The following SLC9C2 variants were observed in gnomAD, a reference collection of about 807,000 sequenced individuals.
SLC9C2 encodes the protein sodium/hydrogen exchanger 11.
A neutral mutation model predicts 140.2 loss-of-function variants in SLC9C2; 75 were observed. That is an observed-to-expected ratio of 0.53 (90% CI 0.44 to 0.65). The LOEUF (loss-of-function observed/expected upper bound fraction) is 0.65, where lower values mean the gene tolerates loss of function less well. Ranked by LOEUF, SLC9C2 falls within the 30% of genes least tolerant of loss-of-function variation. SLC9C2 has a pLI of 0.00. For missense variants in SLC9C2, 1,074 were observed against 1,331.8 expected, an observed-to-expected ratio of 0.81 and a Z score of 3.01; for synonymous variants, 375 against 420.9, an observed-to-expected ratio of 0.89 and a Z score of 1.34.
chr1:173,573,920 C>G (rs1293559949), intron 8 of SLC9C2, among the ~76,000 whole-genome samples: 1 of 152,190 alleles, frequency 6.6e-6, no homozygotes, highest in African/African-American at 2.4e-5. Context: ...GCTCTGAATT[C>G]CTACGGTGCT....
intron 4 of SLC9C2, among the ~76,000 whole-genome samples, chr1:173,591,758 G>A (rs374549818): frequency 2.0e-5 from 3 of 152,124 alleles, no homozygotes; most frequent in East Asian, 3.9e-4. Context: ...CCTTATAGAT[G>A]CTAGATATTA....
rs182603098 is a variant in SLC9C2 at position 173,524,172 on chromosome 1, T to A, written c.2515-78A>T. On this transcript the variant is annotated intron_variant, in intron 20 of 27. Transcript: ENST00000367714. ...ACACTAGGGAAAAACTAAGGAAATCTAAATAAACTACTGTTAGGCAAGTTT... is the reference window on the plus strand; with the variant it reads ...ACACTAGGGAAAAACTAAGGAAATCAAAATAAACTACTGTTAGGCAAGTTT... The A allele has an allele frequency of 3.8e-3, 5,109 of 1,336,432 alleles. 17 individuals carry two copies. The highest frequency in any genetic ancestry group is 4.5e-3 in the Non-Finnish European group (4,431 of 987,150). The allele number at this position is 1,336,432 out of a possible 1,614,324, so 82.8% of individuals were successfully genotyped here.
At chr1:173,595,406 C>T (rs1666388469) in intron 4 of SLC9C2, among the ~76,000 whole-genome samples, 1 of 152,132 alleles carries the variant, frequency 6.6e-6, no homozygotes, top group Non-Finnish European at 1.5e-5. Flanking sequence ...ATTTGACCCC[C>T]TTATTAAGGG....
At chr1:173,590,381 A>G (rs1666090600) in intron 4 of SLC9C2, among the ~76,000 whole-genome samples, 2 of 152,200 alleles carry the variant, frequency 1.3e-5, no homozygotes, top group African/African-American at 4.8e-5. Flanking sequence ...AAATAAAAAG[A>G]TACTAACACC....
chr1:173,587,853 G>C, intron 4 of SLC9C2, 23 bp from the exon 5 acceptor site: 1 of 1,575,802 alleles, frequency 6.3e-7, no homozygotes, highest in Admixed American at 1.7e-5. Flanking sequence ...TCATAACACA[G>C]TATTAGACTT....
Position 173,583,594 on chromosome 1 carries a change from A to G in SLC9C2, c.552T>C (p.Ile184=). ...TACAAATGATCAATGATTCTCCTCT[A>G]ATGAGATCAATGTATATTTTAGAAA... The part of the protein sequence containing the change: ...IGISKIYIDL[I]RGESLIICSI... Residue 184 remains isoleucine, a synonymous_variant, in exon 6 of 28, where the codon ATT becomes ATC. Transcript: ENST00000367714. The G allele has an allele frequency of 6.3e-7, 1 of 1,590,726 alleles. No homozygotes were observed. The highest frequency in any genetic ancestry group is 8.6e-7 in the Non-Finnish European group (1 of 1,168,476).
At chr1:173,509,462 A>C (rs1357954177) in intron 24 of SLC9C2, 106 bp downstream of exon 24, 1 of 1,152,702 alleles carries the variant, frequency 8.7e-7, no homozygotes, top group East Asian at 3.3e-5. Context: ...AAAAAAATCA[A>C]ACACAAATTT....
rs758140207 is a variant in SLC9C2 at position 173,536,931 on chromosome 1, G to A, written c.1655+11C>T. The A allele has an allele frequency of 6.3e-6, 10 of 1,588,496 alleles. No individual in the cohort carries two copies. The East Asian group carries it at 2.0e-4, about 32-fold the overall frequency. ...TTTTGGAAATATCAATTAAAGAAGT[G>A]TTATACTTACTTTCCTTGGATGGAG... On this transcript the variant is annotated intron_variant, in intron 14 of 27. Coordinates refer to ENST00000367714, the MANE Select transcript of SLC9C2 (RefSeq NM_178527.4).
rs765393938 is a variant in SLC9C2 at position 173,583,563 on chromosome 1, C to T, written c.583G>A (p.Ala195Thr). The change falls in exon 6 of 28, where the codon GCA (alanine) becomes ACA (threonine). Residue 195 changes from alanine to threonine, a missense_variant. Transcript: ENST00000367714. ...CGAAAATTTCCAAAAAAAATTGATGCGATGCTACAAATGATCAATGATTCT... is the reference window on the plus strand; with the variant it reads ...CGAAAATTTCCAAAAAAAATTGATGTGATGCTACAAATGATCAATGATTCT... ...RGESLIICSI[A>T]SIFFGNFRGN... The T allele has an allele frequency of 1.3e-5, 21 of 1,609,960 alleles. No homozygotes were observed. Among genetic ancestry groups the T allele is most frequent in the Admixed American group, 3.4e-5 (2 of 59,636 alleles).
At chr1:173,528,070 G>GT (rs1244374160) in intron 18 of SLC9C2, among the ~76,000 whole-genome samples, 1 of 152,114 alleles carries the variant, frequency 6.6e-6, no homozygotes. Context: ...CAGCAACCCT[G>GT]TAAGACTGCT....
At chr1:173,506,660 G>A (rs1659662842) in intron 25 of SLC9C2, among the ~76,000 whole-genome samples, 196 bp downstream of exon 25, 1 of 152,160 alleles carries the variant, frequency 6.6e-6, no homozygotes, top group African/African-American at 2.4e-5. Flanking sequence ...CCTGTCCCTT[G>A]GGCACACCCT....
chr1:173,511,664 C>T (rs762835309), intron 23 of SLC9C2, among the ~76,000 whole-genome samples: 2 of 152,166 alleles, frequency 1.3e-5, no homozygotes, highest in Non-Finnish European at 2.9e-5. Context: ...AATTAGATCT[C>T]ATTTGTCAAT....
chr1:173,574,014 C>T (rs896313851), intron 8 of SLC9C2, among the ~76,000 whole-genome samples: 2 of 152,158 alleles, frequency 1.3e-5, no homozygotes, highest in African/African-American at 2.4e-5. Flanking sequence ...CAGAACCACC[C>T]CCAGAGATTC....
At position 173,533,013 on chromosome 1, in the gene SLC9C2, G is replaced by A. The variant is rs953297548; in HGVS notation, c.2163+596C>T. On this transcript the variant is annotated intron_variant, in intron 17 of 27. Transcript: ENST00000367714. ...TTGAGCAGGTAGAGGGTAATCAGGA[G>A]GATGAGGTAGAAATTGAGGGTGTGA... is the stretch of plus-strand genomic sequence containing the variant. 3.9e-5 allele frequency among the ~76,000 whole-genome samples: 6 copies of A among 152,228 alleles called. No individual in the cohort carries two copies. The South Asian group carries it at 1.2e-3, about 32-fold the overall frequency.
chr1:173,574,779 G>A (rs1571595041), intron 8 of SLC9C2, among the ~76,000 whole-genome samples: 1 of 151,896 alleles, frequency 6.6e-6, no homozygotes, highest in South Asian at 2.1e-4. Flanking sequence ...CAAAGTGCTG[G>A]GATTACAGGC....
At chr1:173,589,860 C>T (rs1270253878) in intron 4 of SLC9C2, among the ~76,000 whole-genome samples, 1 of 152,090 alleles carries the variant, frequency 6.6e-6, no homozygotes, top group Admixed American at 6.6e-5. Context: ...GAGGAAATTA[C>T]ATACAATACA....
chr1:173,587,964 T>C (rs1239110576), intron 4 of SLC9C2, 134 bp from the exon 5 acceptor site: 1 of 622,332 alleles, frequency 1.6e-6, no homozygotes, highest in East Asian at 2.9e-5. Context: ...TTAAAAGGTA[T>C]TCTAGTTTAA....
intron 17 of SLC9C2, 26 bp downstream of exon 17, chr1:173,533,583 T>C: frequency 1.3e-6 from 2 of 1,539,178 alleles, no homozygotes; most frequent in Non-Finnish European, 1.8e-6. Flanking sequence ...TGGCAAATCT[T>C]AATATTTTAA....
At chr1:173,579,459 G>A (rs1057132125) in intron 7 of SLC9C2, among the ~76,000 whole-genome samples, 1 of 152,058 alleles carries the variant, frequency 6.6e-6, no homozygotes, top group African/African-American at 2.4e-5. Flanking sequence ...GCCTAACTCA[G>A]TCTCCCCATT....
Sources: allele counts gnomAD v4.1 joint callset (sites outside exome capture counted in the v4.1 genomes callset), GRCh38; gene constraint gnomAD v4.1.1; transcripts MANE v1.5; gene names NCBI Gene and HGNC (gene_info 2026-07-23, HGNC 2026-07-21).